Variants in PLCL2 observed in about 807,000 individuals in gnomAD.
The protein encoded by PLCL2 is inactive phospholipase C-like protein 2.
PLCL2 carries 4 observed loss-of-function variants against 79.6 expected under a neutral mutation model. That is an observed-to-expected ratio of 0.05 (90% confidence interval 0.02 to 0.11). The LOEUF (loss-of-function observed/expected upper bound fraction) is 0.11, where lower values mean the gene tolerates loss of function less well. PLCL2 is among the 10% of genes least tolerant of loss of function. The probability of loss-of-function intolerance (pLI) is 1.00; values close to 1 mark genes in which losing one functional copy is unlikely to be tolerated. For missense variants in PLCL2, 895 were observed against 1,291.0 expected, an observed-to-expected ratio of 0.69 and a Z score of 4.70; for synonymous variants, 484 against 457.7, an observed-to-expected ratio of 1.06 and a Z score of -0.73.
intron 1 of PLCL2, among the ~76,000 whole-genome samples, chr3:17,007,500 G>A (rs1226189218): frequency 6.6e-6 from 1 of 151,994 alleles, no homozygotes; most frequent in Non-Finnish European, 1.5e-5. Flanking sequence ...GCACTTTATT[G>A]TTCTGAGGAT....
chr3:16,889,690 A>G lies in PLCL2; in HGVS notation c.327+4324A>G, dbSNP rs950741533. 3.3e-5 allele frequency among the ~76,000 whole-genome samples: 5 copies of G among 152,200 alleles called. No individual in the cohort carries two copies. In the East Asian group the frequency reaches 5.8e-4, roughly 18 times the overall value. ...CATGGACAACAAGCAGCCTTTTCAC[A>G]TCTATTATACACATTTAAATGAAAT... On this transcript the variant is annotated intron_variant, in intron 1 of 5. Coordinates refer to ENST00000615277, the MANE Select transcript of PLCL2 (RefSeq NM_001144382.2).
chr3:16,985,713 A>G (rs13085309), intron 1 of PLCL2, among the ~76,000 whole-genome samples: 18,032 of 152,140 alleles, frequency 0.12, 1,555 homozygotes, highest in Non-Finnish European at 0.17. Flanking sequence ...CTAGGAGATC[A>G]CCTTTCACTT....
chr3:16,964,890 G>C (rs1359940011), intron 1 of PLCL2, among the ~76,000 whole-genome samples: 1 of 151,894 alleles, frequency 6.6e-6, no homozygotes, highest in Non-Finnish European at 1.5e-5. Flanking sequence ...TTGTAAATTT[G>C]TTTGAGTTCA....
In PLCL2 at chr3:17,009,321, T is replaced by G. The variant is rs2064295718; in HGVS notation, c.328-353T>G. On this transcript the variant is annotated intron_variant, in intron 1 of 5. Coordinates refer to ENST00000615277, the MANE Select transcript of PLCL2 (RefSeq NM_001144382.2). The surrounding 1 kb of genome is among the most constrained non-coding windows in gnomAD (Gnocchi z 4.0). ...TTTTTTTGTAGAGATGGGATCTCACTGTATTACCCAGGTTGGTCTCAAACT... is the reference window on the plus strand; with the variant it reads ...TTTTTTTGTAGAGATGGGATCTCACGGTATTACCCAGGTTGGTCTCAAACT... Among the ~76,000 whole-genome samples, 1 of 152,080 alleles carries G rather than the reference T, an allele frequency of 6.6e-6. No homozygotes were observed. Among genetic ancestry groups the G allele is most frequent in the Admixed American group, 6.5e-5 (1 of 15,276 alleles).
intron 4 of PLCL2, among the ~76,000 whole-genome samples, chr3:17,056,953 A>C (rs924213216): frequency 6.6e-6 from 1 of 152,220 alleles, no homozygotes; most frequent in Non-Finnish European, 1.5e-5. Context: ...GCCAAAGCTT[A>C]GCAGACTTTA....
At chr3:17,033,033 A>T (rs2064601837) in intron 3 of PLCL2, among the ~76,000 whole-genome samples, 1 of 152,142 alleles carries the variant, frequency 6.6e-6, no homozygotes, top group South Asian at 2.1e-4. Flanking sequence ...ATAAGATGGG[A>T]TGTTATTTTA....
chr3:17,081,096 T>C (rs767053640), intron 5 of PLCL2: 3 of 448,128 alleles, frequency 6.7e-6, no homozygotes, highest in African/African-American at 4.0e-5. Context: ...AGAATGGTAA[T>C]AGCACTTCCC....
At chr3:17,023,415 G>A (rs963389042) in intron 3 of PLCL2, among the ~76,000 whole-genome samples, 1 of 152,142 alleles carries the variant, frequency 6.6e-6, no homozygotes, top group African/African-American at 2.4e-5. Flanking sequence ...GTTGTGGGAG[G>A]GACCCAGGGG....
intron 1 of PLCL2, among the ~76,000 whole-genome samples, chr3:16,996,245 A>G (rs998967131): frequency 2.0e-5 from 3 of 152,076 alleles, no homozygotes; most frequent in East Asian, 1.9e-4. Context: ...TGTTGCAGGA[A>G]TGGTTATAGT....
intron 5 of PLCL2, among the ~76,000 whole-genome samples, chr3:17,075,149 C>T (rs1181730294): frequency 6.6e-6 from 1 of 152,176 alleles, no homozygotes; most frequent in Non-Finnish European, 1.5e-5. Flanking sequence ...TCAAGTGCAA[C>T]TCTTCTTTTC....
chr3:17,042,006 T>G (rs1352336961), intron 3 of PLCL2, among the ~76,000 whole-genome samples: 1 of 152,156 alleles, frequency 6.6e-6, no homozygotes, highest in Non-Finnish European at 1.5e-5. Context: ...GTTTATTACT[T>G]AAAATATGAT....
intron 1 of PLCL2, among the ~76,000 whole-genome samples, chr3:16,923,013 CTCTT>C (rs1177424096): frequency 2.0e-5 from 3 of 152,112 alleles, no homozygotes; most frequent in Non-Finnish European, 4.4e-5. Context: ...ATATAGCAAC[CTCTT>C]TCTAAGAATG....
intron 5 of PLCL2, among the ~76,000 whole-genome samples, chr3:17,084,873 A>G (rs1189353491): frequency 6.6e-6 from 1 of 152,238 alleles, no homozygotes; most frequent in Non-Finnish European, 1.5e-5. Context: ...GGACAAAGCA[A>G]AGATGTTCTC....
intron 1 of PLCL2, among the ~76,000 whole-genome samples, chr3:16,972,716 G>A (rs1039058205): frequency 6.6e-6 from 1 of 152,018 alleles, no homozygotes; most frequent in South Asian, 2.1e-4. Flanking sequence ...TTGTTGAATT[G>A]TATCCTTTAC....
chr3:16,912,606 G>A (rs756495295), intron 1 of PLCL2, among the ~76,000 whole-genome samples: 3 of 152,182 alleles, frequency 2.0e-5, no homozygotes, highest in Admixed American at 6.5e-5. Flanking sequence ...GTTGTGCAAG[G>A]TGATGAGCAA....
intron 4 of PLCL2, among the ~76,000 whole-genome samples, chr3:17,064,993 TTAAA>T (rs1213965365): frequency 2.6e-5 from 4 of 151,948 alleles, no homozygotes; most frequent in African/African-American, 9.6e-5. Context: ...AATCAAATAA[TTAAA>T]TAAATGACAA....
At chr3:16,921,790 G>A (rs1046880067) in intron 1 of PLCL2, among the ~76,000 whole-genome samples, 1 of 152,014 alleles carries the variant, frequency 6.6e-6, no homozygotes, top group South Asian at 2.1e-4. Flanking sequence ...CTATTAATCA[G>A]GCAATCATCA....
At chr3:17,086,024 C>A (rs1239247848) in intron 5 of PLCL2, among the ~76,000 whole-genome samples, 3 of 152,062 alleles carry the variant, frequency 2.0e-5, no homozygotes, top group Non-Finnish European at 4.4e-5. Flanking sequence ...TCTCAAACTT[C>A]CAGCAAGCAT....
Position 16,885,383 on chromosome 3 carries a change from C to A in PLCL2, c.327+17C>A. ...ATCATCAAGGTAGGTGGGAGAAGGG[C>A]GCTCATCGCCCACCCTCAGCCGTCC... On this transcript the variant is annotated intron_variant, in intron 1 of 5. Transcript: ENST00000615277. The A allele has an allele frequency of 3.4e-6, 2 of 587,116 alleles. No homozygotes were observed. The highest frequency in any genetic ancestry group is 3.2e-5 in the Admixed American group (1 of 31,448). The allele number at this position is 587,116 out of a possible 1,614,324, so 36.4% of individuals were successfully genotyped here.
Sources: allele counts gnomAD v4.1 joint callset (sites outside exome capture counted in the v4.1 genomes callset), GRCh38; gene constraint gnomAD v4.1.1; non-coding constraint Gnocchi (gnomAD v3.1); transcripts MANE v1.5; gene names NCBI Gene and HGNC (gene_info 2026-07-23, HGNC 2026-07-21).